ARSB: variants seen among roughly 807,000 people sequenced by gnomAD.
ARSB encodes the protein N-acetylgalactosamine-4-sulfatase.
In ARSB, 41 loss-of-function variants were observed where a neutral mutation model predicts 50.9. That is an observed-to-expected ratio of 0.81 (90% CI 0.63 to 1.04). The LOEUF is 1.04. Ranked by LOEUF, ARSB falls within the 50% of genes least tolerant of loss-of-function variation. The probability of loss-of-function intolerance (pLI) is 0.00; values close to 1 mark genes in which losing one functional copy is unlikely to be tolerated. For missense variants in ARSB, 672 were observed against 693.3 expected, an observed-to-expected ratio of 0.97 and a Z score of 0.35; for synonymous variants, 269 against 284.8, an observed-to-expected ratio of 0.94 and a Z score of 0.56.
rs1368227998 is a variant in ARSB at position 78,781,905 on chromosome 5, G to A, written c.1283C>T (p.Ser428Phe). 1.9e-6 allele frequency: 3 copies of A among 1,614,018 alleles called. No homozygotes were observed. The African/African-American group carries it at 4.0e-5, about 22-fold the overall frequency. The change falls in exon 7 of 8, where the codon TCT becomes TTT. Residue 428 changes from serine (S) to phenylalanine (F), a missense_variant. Physicochemically the swap from Ser to Phe is radical, Grantham distance 155. Coordinates refer to ENST00000264914, the MANE Select transcript of ARSB (RefSeq NM_000046.5). ...SLPEYSAFNT[S>F]VHAAIRHGNW... ...TCCATGTCTAATTGCAGCATGGACA[G>A]ATGTGTTAAAGGCTGAATATTCTGG...
At chr5:78,859,462 C>A (rs1163358906) in intron 5 of ARSB, among the ~76,000 whole-genome samples, 1 of 152,064 alleles carries the variant, frequency 6.6e-6, no homozygotes, top group East Asian at 1.9e-4. Context: ...GACTAATATG[C>A]CTTTCTTCCA....
chr5:78,899,893 T>C (rs1748723563), intron 4 of ARSB, among the ~76,000 whole-genome samples: 1 of 152,212 alleles, frequency 6.6e-6, no homozygotes. Context: ...TATATGTCTA[T>C]GTCTTTGCAT....
At chr5:78,841,593 C>T (rs1361155349) in intron 5 of ARSB, among the ~76,000 whole-genome samples, 1 of 152,028 alleles carries the variant, frequency 6.6e-6, no homozygotes, top group African/African-American at 2.4e-5. Flanking sequence ...CATAACTACG[C>T]AGCTTTAAAA....
At position 78,981,966 on chromosome 5, in the gene ARSB, G is replaced by A. The variant is rs1752925689; in HGVS notation, c.312+2971C>T. On this transcript the variant is annotated intron_variant, in intron 1 of 7. Coordinates refer to ENST00000264914, the MANE Select transcript of ARSB (RefSeq NM_000046.5). ...GAGTCTCGCTCTGTCGCCCAGGCCG[G>A]ACTGCGGACTGCAGTGGCGCAATCT... 7.5e-5 allele frequency among the ~76,000 whole-genome samples: 2 copies of A among 26,576 alleles called. 1 individual carries two copies. The highest frequency in any genetic ancestry group is 1.3e-3 in the Admixed American group (2 of 1,560). The allele number at this position is 26,576 out of a possible 152,430, so 17.4% of individuals were successfully genotyped here.
At chr5:78,979,586 G>T (rs148256170) in intron 1 of ARSB, among the ~76,000 whole-genome samples, 1 of 152,168 alleles carries the variant, frequency 6.6e-6, no homozygotes, top group Non-Finnish European at 1.5e-5. Context: ...GGATTCAAAC[G>T]GGCAATGAGG....
At chr5:78,786,720 A>T (rs757834171) in intron 6 of ARSB, among the ~76,000 whole-genome samples, 11 of 152,200 alleles carry the variant, frequency 7.2e-5, no homozygotes, top group Non-Finnish European at 1.5e-4. Context: ...CCTAGGCTCA[A>T]GCGATCCTCT....
At chr5:78,933,304 A>G (rs1177520363) in intron 4 of ARSB, among the ~76,000 whole-genome samples, 1 of 152,208 alleles carries the variant, frequency 6.6e-6, no homozygotes, top group African/African-American at 2.4e-5. Flanking sequence ...CTGGATTTAC[A>G]ACAAAATCCC....
In ARSB at chr5:78,901,024, G is replaced by A. The variant is rs138187286; in HGVS notation, c.899-15197C>T. Among the ~76,000 whole-genome samples the A allele has an allele frequency of 9.1e-3, 1,215 of 133,738 alleles. 13 individuals are homozygous for A. Among genetic ancestry groups the A allele is most frequent in the African/African-American group, 0.031 (1,124 of 35,806 alleles). The allele number at this position is 133,738 out of a possible 152,430, so 87.7% of individuals were successfully genotyped here. ...TCGCGCCACTGCCCTCCAGCCTGGCGACAGAGCAAGACTCCGTCTCAGGAA... is the reference window on the plus strand; with the variant it reads ...TCGCGCCACTGCCCTCCAGCCTGGCAACAGAGCAAGACTCCGTCTCAGGAA... On this transcript the variant is annotated intron_variant, in intron 4 of 7. Transcript: ENST00000264914.
intron 4 of ARSB, among the ~76,000 whole-genome samples, chr5:78,931,499 T>A (rs956665100): frequency 1.1e-4 from 16 of 152,124 alleles, no homozygotes; most frequent in African/African-American, 3.6e-4. Context: ...TTCCTCCAGC[T>A]GCCTGTCTCT....
chr5:78,780,744 G>A, intron 7 of ARSB, 82 bp from the exon 8 acceptor site: 1 of 1,531,366 alleles, frequency 6.5e-7, no homozygotes, highest in Non-Finnish European at 9.0e-7. Flanking sequence ...TGAGGCCAAG[G>A]CTGCACTGGG....
chr5:78,780,136 C>T lies in ARSB; in HGVS notation c.*261G>A. ...AACTTCCTATTTCAAGTTAAGTTCC[C>T]AGCTGTCCCAAGGCTTAGGAAAGGG... On this transcript the variant is annotated 3_prime_UTR_variant, in exon 8 of 8. Coordinates refer to ENST00000264914, the MANE Select transcript of ARSB (RefSeq NM_000046.5). 1 of 482,530 alleles carries T rather than the reference C, an allele frequency of 2.1e-6. No individual in the cohort carries two copies. The highest frequency in any genetic ancestry group is 3.8e-6 in the Non-Finnish European group (1 of 264,518). 29.9% of individuals were successfully genotyped at this position (482,530 alleles called of 1,614,324 possible).
chr5:78,788,897 T>G (rs1168861855), intron 6 of ARSB, among the ~76,000 whole-genome samples: 26 of 152,236 alleles, frequency 1.7e-4, no homozygotes, highest in African/African-American at 5.8e-4. Flanking sequence ...CCCAAAGTGC[T>G]GAGGTATTAT....
chr5:78,806,949 T>G (rs968242420), intron 6 of ARSB, among the ~76,000 whole-genome samples: 1 of 152,216 alleles, frequency 6.6e-6, no homozygotes, highest in African/African-American at 2.4e-5. Context: ...TTCCGCTCCC[T>G]GTCACCTCCG....
At chr5:78,943,986 C>CT (rs1319452882) in intron 4 of ARSB, among the ~76,000 whole-genome samples, 1 of 152,112 alleles carries the variant, frequency 6.6e-6, no homozygotes, top group African/African-American at 2.4e-5. Context: ...TCTTTTTATT[C>CT]TTTTTTCTCT....
chr5:78,935,474 C>A (rs954079049), intron 4 of ARSB, among the ~76,000 whole-genome samples: 1 of 152,150 alleles, frequency 6.6e-6, no homozygotes, highest in Non-Finnish European at 1.5e-5. Flanking sequence ...TTTCCCAGGG[C>A]CTAGCAGAGA....
intron 4 of ARSB, among the ~76,000 whole-genome samples, chr5:78,926,180 TA>T (rs1750038957): frequency 6.6e-6 from 1 of 152,170 alleles, no homozygotes; most frequent in African/African-American, 2.4e-5. Flanking sequence ...CTTCCGGCCA[TA>T]ATCCTATTTT....
intron 5 of ARSB, among the ~76,000 whole-genome samples, chr5:78,867,577 G>C (rs1746846701): frequency 1.3e-5 from 2 of 152,090 alleles, no homozygotes; most frequent in African/African-American, 4.8e-5. Flanking sequence ...TCACACGGCA[G>C]GGTATTCCAA....
rs576541936 is a variant in ARSB at position 78,985,175 on chromosome 5, G to T, written c.74C>A (p.Pro25Gln). 13 of 1,431,262 alleles carry T rather than the reference G, an allele frequency of 9.1e-6. No homozygotes were observed. The African/African-American group carries it at 1.2e-4, about 13-fold the overall frequency. 88.7% of individuals were successfully genotyped at this position (1,431,262 alleles called of 1,614,324 possible). Reference sequence around the variant, plus strand: ...CGCCAACAACAGCAGCAGCAGCAGCGGGAGGACGACGGGGAGGAGCAGCCG... The same window carrying T: ...CGCCAACAACAGCAGCAGCAGCAGCTGGAGGACGACGGGGAGGAGCAGCCG... Reference protein sequence around the residue: ...PRRLLLPVVLPLLLLLLLAPP... With the variant: ...PRRLLLPVVLQLLLLLLLAPP... Residue 25 changes from proline (P) to glutamine (Q), a missense_variant, in exon 1 of 8, where the codon CCG becomes CAG. By Grantham distance (76) the Pro-to-Gln change is moderately conservative (BLOSUM62 -1). Transcript: ENST00000264914.
intron 4 of ARSB, among the ~76,000 whole-genome samples, chr5:78,911,572 T>TAAAAAAAAAAAAAAAAAAAAAAAAAAAAA (rs71001137): frequency 1.5e-5 from 1 of 67,866 alleles, no homozygotes; most frequent in Non-Finnish European, 2.5e-5. Context: ...AGACTCCCTC[T>TAAAAAAAAAAAAAAAAAAAAAAAAAAAAA]AAAAAAAAAA....
Sources: allele counts gnomAD v4.1 joint callset (sites outside exome capture counted in the v4.1 genomes callset), GRCh38; gene constraint gnomAD v4.1.1; transcripts MANE v1.5; gene names NCBI Gene and HGNC (gene_info 2026-07-23, HGNC 2026-07-21).